SLC6A16: variants seen among roughly 807,000 people sequenced by gnomAD.
SLC6A16 encodes the protein orphan sodium- and chloride-dependent neurotransmitter transporter NTT5.
In SLC6A16, 54 loss-of-function variants were observed where a neutral mutation model predicts 65.4. The ratio of observed to expected loss-of-function variants is 0.83; its 90% CI spans 0.66 to 1.04. SLC6A16 has a LOEUF of 1.04. Among genes scored for constraint, SLC6A16 ranks in the 50% least tolerant of loss-of-function variants. SLC6A16 has a pLI of 0.00. For missense variants in SLC6A16, 816 were observed against 914.0 expected (o/e 0.89, Z 1.38); for synonymous variants, 330 against 346.5 (o/e 0.95, Z 0.53).
the SLC6A16 span, chr19:49,335,601 T>A: frequency 6.2e-7 from 1 of 1,613,512 alleles, no homozygotes. This position sits in a 1 kb window ranked among gnomAD's most constrained non-coding sequence, Gnocchi z 4.6. Flanking sequence ...TTTCAACCTC[T>A]TCTTCTTCGT....
chr19:49,330,977 C>T, the SLC6A16 span, among the ~76,000 whole-genome samples: 2 of 151,744 alleles, frequency 1.3e-5, no homozygotes, highest in African/African-American at 4.8e-5. Context: ...AGGCCCGCCC[C>T]CAGAGTTTCT....
At chr19:49,326,658 G>T (rs553867775), upstream of SLC6A16, among the ~76,000 whole-genome samples, 1 of 152,212 alleles carries the variant, frequency 6.6e-6, no homozygotes, top group East Asian at 1.9e-4. Context: ...CCCTCGTTTT[G>T]CTTCACACAA....
intron 7 of SLC6A16, among the ~76,000 whole-genome samples, chr19:49,303,363 T>C (rs918429547): frequency 6.6e-6 from 1 of 152,152 alleles, no homozygotes; most frequent in African/African-American, 2.4e-5. Context: ...TTAAAAAGTA[T>C]GTAGGCCGGG....
chr19:49,290,093 G>C lies in SLC6A16; in HGVS notation c.*30C>G. 4 of 1,604,140 alleles carry C rather than the reference G, an allele frequency of 2.5e-6. No individual in the cohort carries two copies. The highest frequency in any genetic ancestry group is 2.2e-5 in the South Asian group (2 of 89,934). On this transcript the variant is annotated 3_prime_UTR_variant, in exon 12 of 12. Coordinates refer to ENST00000335875, the MANE Select transcript of SLC6A16 (RefSeq NM_014037.3). ...GTTGTCTATTGGATCTGTTCTAAGG[G>C]ATATGTTATGTGAAGCCAAATTAAT...
At chr19:49,321,039 C>A (rs905909403) in intron 1 of SLC6A16, among the ~76,000 whole-genome samples, 10 of 152,136 alleles carry the variant, frequency 6.6e-5, no homozygotes, top group African/African-American at 2.4e-4. Context: ...AATACCAGAG[C>A]CATACAAAGA....
chr19:49,302,325 G>A (rs1970306328), intron 7 of SLC6A16, among the ~76,000 whole-genome samples: 1 of 151,916 alleles, frequency 6.6e-6, no homozygotes, highest in South Asian at 2.1e-4. Flanking sequence ...TCTGTGGGAG[G>A]TTCACAGCCA....
At chr19:49,299,546 A>AAAGAAAGAAAG (rs1555775037) in intron 7 of SLC6A16, among the ~76,000 whole-genome samples, 2 of 126,488 alleles carry the variant, frequency 1.6e-5, no homozygotes, top group East Asian at 4.5e-4. Context: ...AAAAAAAAAA[A>AAAGAAAGAAAG]AAAGAAAGAA....
the SLC6A16 span, chr19:49,335,737 C>T: frequency 6.2e-7 from 1 of 1,613,962 alleles, no homozygotes; most frequent in Non-Finnish European, 8.5e-7. This position sits in a 1 kb window ranked among gnomAD's most constrained non-coding sequence, Gnocchi z 4.6. Context: ...TGATCTTCTG[C>T]TTCGGCATCT....
chr19:49,290,840 T>C, intron 10 of SLC6A16, 73 bp from the exon 11 acceptor site: 1 of 1,288,278 alleles, frequency 7.8e-7, no homozygotes, highest in Non-Finnish European at 1.1e-6. Flanking sequence ...CAGCCCAACC[T>C]TGGCATCTTT....
At chr19:49,336,641 T>C in the SLC6A16 span, 648 of 417,402 alleles carry the variant, frequency 1.6e-3, 1 homozygote, top group South Asian at 2.4e-3. Flanking sequence ...GAACAAGTGA[T>C]AGGGCTGAAA....
chr19:49,339,655 C>T, the SLC6A16 span: 4 of 1,428,820 alleles, frequency 2.8e-6, no homozygotes, highest in African/African-American at 4.3e-5. This position sits in a 1 kb window ranked among gnomAD's most constrained non-coding sequence, Gnocchi z 4.5. Flanking sequence ...CCTTTCTCCG[C>T]AGATGACTGT....
chr19:49,304,388 T>A (rs1209761511), intron 7 of SLC6A16, among the ~76,000 whole-genome samples: 2 of 152,250 alleles, frequency 1.3e-5, no homozygotes, highest in African/African-American at 4.8e-5. Flanking sequence ...AATCTTGGAC[T>A]GGTGTCACCC....
chr19:49,327,465 G>A (rs956566433), upstream of SLC6A16, among the ~76,000 whole-genome samples: 48 of 152,214 alleles, frequency 3.2e-4, 2 homozygotes, highest in Non-Finnish European at 1.5e-5. Flanking sequence ...TTTGCTAGGT[G>A]AAAAATGTGT....
intron 1 of SLC6A16, among the ~76,000 whole-genome samples, chr19:49,319,450 CATATACATATGTGT>C (rs779403525): frequency 3.3e-5 from 5 of 149,882 alleles, no homozygotes; most frequent in Non-Finnish European, 7.4e-5. Flanking sequence ...AATACATATA[CATATACATATGTGT>C]ATATGTGTAT....
At chr19:49,309,248 G>A (rs1042957701) in intron 6 of SLC6A16, 53 bp downstream of exon 6, 2 of 1,568,750 alleles carry the variant, frequency 1.3e-6, no homozygotes, top group Non-Finnish European at 1.8e-6. Context: ...CTAAGAATAG[G>A]CAGCTGTGGT....
intron 7 of SLC6A16, among the ~76,000 whole-genome samples, chr19:49,306,547 C>CTTTTT (rs1174068777): frequency 8.7e-6 from 1 of 114,898 alleles, no homozygotes; most frequent in African/African-American, 3.2e-5. Context: ...TTTTTTTTTT[C>CTTTTT]TTTTTTTTTT....
the SLC6A16 span, chr19:49,339,487 C>T: frequency 2.2e-5 from 34 of 1,551,310 alleles, no homozygotes; most frequent in East Asian, 7.4e-4. The surrounding 1 kb of genome is among the most constrained non-coding windows in gnomAD (Gnocchi z 4.5). Context: ...TCGCGTCCTT[C>T]GGTTGCCTGG....
chr19:49,309,595 T>C, intron 5 of SLC6A16, 56 bp downstream of exon 5: 1 of 1,518,122 alleles, frequency 6.6e-7, no homozygotes, highest in Non-Finnish European at 9.1e-7. Flanking sequence ...AGTAACAAAT[T>C]GAGGTAAGGG....
At chr19:49,318,964 T>C (rs562351077) in intron 1 of SLC6A16, among the ~76,000 whole-genome samples, 9 of 148,256 alleles carry the variant, frequency 6.1e-5, no homozygotes, top group African/African-American at 2.2e-4. Context: ...CCAGCTACCA[T>C]GGCCTCCCAA....
Sources: gnomAD v4.1 joint callset for allele counts (sites outside exome capture counted in the v4.1 genomes callset) on GRCh38, gnomAD v4.1.1 for gene constraint, Gnocchi (gnomAD v3.1) non-coding constraint, MANE v1.5 for transcripts, NCBI Gene and HGNC (gene_info 2026-07-23, HGNC 2026-07-21) for gene names.